SGCZ: variants seen among roughly 807,000 people sequenced by gnomAD.
SGCZ encodes zeta-sarcoglycan.
Under a neutral mutation model 41.3 loss-of-function variants are expected in SGCZ, and 40 were observed. The ratio of observed to expected loss-of-function variants is 0.97; its 90% CI spans 0.75 to 1.26. SGCZ has a LOEUF of 1.26. SGCZ is among the 50% of genes most tolerant of loss of function. The pLI is 0.00. For synonymous variants in SGCZ, 206 were observed against 137.5 expected, an observed-to-expected ratio of 1.50 and a Z score of -3.49; for missense variants, 552 against 369.8, an observed-to-expected ratio of 1.49 and a Z score of -4.04.
At chr8:15,207,471 GAA>G (rs1456155327) in intron 1 of SGCZ, among the ~76,000 whole-genome samples, 4 of 152,124 alleles carry the variant, frequency 2.6e-5, no homozygotes, top group African/African-American at 9.7e-5. Flanking sequence ...GCAGAAGGAT[GAA>G]AAGAGTGGGA....
At chr8:14,868,110 T>C (rs529923950) in intron 1 of SGCZ, among the ~76,000 whole-genome samples, 1 of 152,256 alleles carries the variant, frequency 6.6e-6, no homozygotes, top group Admixed American at 6.5e-5. Flanking sequence ...AGCCTCTGCG[T>C]TCGCTGTTCT....
At chr8:14,957,869 G>T (rs538671665) in intron 1 of SGCZ, among the ~76,000 whole-genome samples, 1 of 152,048 alleles carries the variant, frequency 6.6e-6, no homozygotes, top group South Asian at 2.1e-4. Context: ...AATGACTTAC[G>T]TAAGTAAATG....
chr8:14,100,741 C>T (rs1228944791), intron 7 of SGCZ, among the ~76,000 whole-genome samples: 2 of 151,590 alleles, frequency 1.3e-5, no homozygotes, highest in Non-Finnish European at 2.9e-5. Flanking sequence ...TGTATAATTA[C>T]AATTCATCTT....
At chr8:14,526,866 G>A (rs1037981149) in intron 2 of SGCZ, among the ~76,000 whole-genome samples, 1 of 152,118 alleles carries the variant, frequency 6.6e-6, no homozygotes, top group East Asian at 1.9e-4. Flanking sequence ...ATTCCACTAT[G>A]TGATCAAATT....
chr8:14,273,737 C>G (rs772500000), intron 3 of SGCZ, among the ~76,000 whole-genome samples: 1 of 152,064 alleles, frequency 6.6e-6, no homozygotes, highest in Non-Finnish European at 1.5e-5. Flanking sequence ...AAAAGAAACA[C>G]AGGCAATATC....
chr8:14,401,121 C>T (rs918573060), intron 2 of SGCZ, among the ~76,000 whole-genome samples: 3 of 152,090 alleles, frequency 2.0e-5, no homozygotes, highest in African/African-American at 7.2e-5. Context: ...TCCATTTACA[C>T]TTGTAACAGG....
chr8:14,740,529 T>C (rs1254914102), intron 1 of SGCZ, among the ~76,000 whole-genome samples: 1 of 152,064 alleles, frequency 6.6e-6, no homozygotes, highest in Non-Finnish European at 1.5e-5. Flanking sequence ...TAACGTACTA[T>C]GAATGTCCAC....
chr8:14,609,767 G>T (rs72607315), intron 1 of SGCZ, among the ~76,000 whole-genome samples: 1 of 151,976 alleles, frequency 6.6e-6, no homozygotes. Flanking sequence ...AAGAGCAGTG[G>T]TTTGTATACA....
chr8:14,371,155 G>A (rs1436953316), intron 2 of SGCZ, among the ~76,000 whole-genome samples: 1 of 151,660 alleles, frequency 6.6e-6, no homozygotes, highest in African/African-American at 2.4e-5. Flanking sequence ...GAAATCTCTG[G>A]GTTTTATTAA....
intron 1 of SGCZ, among the ~76,000 whole-genome samples, chr8:15,021,226 A>G (rs10088985): frequency 0.069 from 10,458 of 152,318 alleles, 546 homozygotes; most frequent in African/African-American, 0.14. Context: ...ATCATAGGAT[A>G]AAGAAAAAAG....
At chr8:15,124,480 G>T (rs1024221991) in intron 1 of SGCZ, among the ~76,000 whole-genome samples, 1 of 152,168 alleles carries the variant, frequency 6.6e-6, no homozygotes, top group Admixed American at 6.5e-5. Flanking sequence ...ATGTTTGCAA[G>T]GCCAGGGCAG....
intron 2 of SGCZ, among the ~76,000 whole-genome samples, chr8:14,507,232 C>T (rs1311540957): frequency 1.3e-5 from 2 of 149,996 alleles, no homozygotes; most frequent in Non-Finnish European, 3.0e-5. Context: ...TAGCCATTCG[C>T]ACCAGCACTG....
intron 2 of SGCZ, among the ~76,000 whole-genome samples, chr8:14,403,477 T>A (rs1799132328): frequency 6.6e-6 from 1 of 151,924 alleles, no homozygotes; most frequent in Non-Finnish European, 1.5e-5. Flanking sequence ...AATACCTAAT[T>A]TATTGAGAGT....
chr8:14,708,420 C>T (rs1809400050), intron 1 of SGCZ, among the ~76,000 whole-genome samples: 1 of 151,656 alleles, frequency 6.6e-6, no homozygotes, highest in African/African-American at 2.4e-5. Context: ...CAGGCAGTCA[C>T]TCCCATATGT....
chr8:14,727,705 G>C (rs113213971), intron 1 of SGCZ, among the ~76,000 whole-genome samples: 4,225 of 151,942 alleles, frequency 0.028, 89 homozygotes, highest in South Asian at 0.079. Flanking sequence ...GTGGAGACGG[G>C]GTTGCACCGT....
At chr8:14,596,072 T>C (rs967352084) in intron 1 of SGCZ, among the ~76,000 whole-genome samples, 1 of 152,234 alleles carries the variant, frequency 6.6e-6, no homozygotes, top group East Asian at 1.9e-4. Flanking sequence ...GTCAGATAGA[T>C]GGACTTTGAA....
In SGCZ at chr8:15,055,600, C is replaced by A. The variant is rs73522839; in HGVS notation, c.39+181985G>T. Among the ~76,000 whole-genome samples, 451 of 152,274 alleles carry A rather than the reference C, an allele frequency of 3.0e-3. 1 individual carries two copies. Among genetic ancestry groups the A allele is most frequent in the African/African-American group, 0.01 (423 of 41,556 alleles). Reference sequence around the variant, plus strand: ...TATGGTTTTTATGGGACTGAGAAGGCCAGAGCCTGGGACCCCCTTTGCCAA... The same window carrying A: ...TATGGTTTTTATGGGACTGAGAAGGACAGAGCCTGGGACCCCCTTTGCCAA... On this transcript the variant is annotated intron_variant, in intron 1 of 7. Coordinates refer to ENST00000382080, the MANE Select transcript of SGCZ (RefSeq NM_139167.4).
At chr8:14,248,038 G>C (rs62500201) in intron 3 of SGCZ, among the ~76,000 whole-genome samples, 37,933 of 152,104 alleles carry the variant, frequency 0.25, 6,096 homozygotes, top group Non-Finnish European at 0.36. Flanking sequence ...TAGCCAATTT[G>C]TATGTCCAAA....
At chr8:14,494,562 G>C (rs973559261) in intron 2 of SGCZ, among the ~76,000 whole-genome samples, 2 of 152,022 alleles carry the variant, frequency 1.3e-5, no homozygotes, top group African/African-American at 4.8e-5. Flanking sequence ...GCTCCTTACA[G>C]CAGTTTTTCA....
Sources: allele counts gnomAD v4.1 joint callset (sites outside exome capture counted in the v4.1 genomes callset), GRCh38; gene constraint gnomAD v4.1.1; transcripts MANE v1.5; gene names NCBI Gene and HGNC (gene_info 2026-07-23, HGNC 2026-07-21).